DYNC1LI1: variants seen among roughly 807,000 people sequenced by gnomAD.
DYNC1LI1 encodes the protein cytoplasmic dynein 1 light intermediate chain 1.
DYNC1LI1 carries 19 observed loss-of-function variants against 63.8 expected under a neutral mutation model. That is an observed-to-expected ratio of 0.30 (90% confidence interval 0.21 to 0.44). DYNC1LI1 has a LOEUF of 0.44. Ranked by LOEUF, DYNC1LI1 falls within the 20% of genes least tolerant of loss-of-function variation. DYNC1LI1 has a pLI of 1.00. For missense variants in DYNC1LI1, 565 were observed against 630.2 expected, an observed-to-expected ratio of 0.90 and a Z score of 1.11; for synonymous variants, 225 against 232.3, an observed-to-expected ratio of 0.97 and a Z score of 0.28.
intron 5 of DYNC1LI1, among the ~76,000 whole-genome samples, chr3:32,538,053 ATATATATAATTTAT>A (rs1697822057): frequency 1.2e-5 from 1 of 81,530 alleles, no homozygotes; most frequent in Non-Finnish European, 2.3e-5. Flanking sequence ...ATATAATTAT[ATATATATAATTTAT>A]TATATATATA....
At chr3:32,559,049 TTAC>T (rs1259259889) in intron 2 of DYNC1LI1, among the ~76,000 whole-genome samples, 3 of 148,622 alleles carry the variant, frequency 2.0e-5, no homozygotes, top group Non-Finnish European at 4.5e-5. Flanking sequence ...TTATCATCCA[TTAC>T]TACTACTTTT....
intron 2 of DYNC1LI1, among the ~76,000 whole-genome samples, chr3:32,568,494 T>TC (rs1445065063): frequency 6.6e-6 from 1 of 152,234 alleles, no homozygotes; most frequent in Non-Finnish European, 1.5e-5. Flanking sequence ...AGATGCACTT[T>TC]ATGAACTATT....
At chr3:32,553,310 C>T (rs1359446469) in intron 2 of DYNC1LI1, among the ~76,000 whole-genome samples, 3 of 151,868 alleles carry the variant, frequency 2.0e-5, no homozygotes, top group African/African-American at 4.8e-5. Flanking sequence ...CACTCCAGCC[C>T]GGGAAGCAGA....
At chr3:32,555,893 G>A (rs1698108377) in intron 2 of DYNC1LI1, among the ~76,000 whole-genome samples, 1 of 152,226 alleles carries the variant, frequency 6.6e-6, no homozygotes, top group Non-Finnish European at 1.5e-5. Context: ...TGAGATATAT[G>A]CGTATTAACT....
chr3:32,570,169 T>A, intron 2 of DYNC1LI1, 177 bp downstream of exon 2: 1 of 710,926 alleles, frequency 1.4e-6, no homozygotes, highest in Non-Finnish European at 2.5e-6. Context: ...CCGCAGGTCC[T>A]GGGTCAAGGG....
chr3:32,554,018 A>AGGT (rs1698078579), intron 2 of DYNC1LI1, among the ~76,000 whole-genome samples: 1 of 152,210 alleles, frequency 6.6e-6, no homozygotes, highest in Admixed American at 6.5e-5. Context: ...CCTCTAATCT[A>AGGT]TGTAACAACA....
intron 8 of DYNC1LI1, chr3:32,530,790 C>A: frequency 2.7e-6 from 1 of 366,982 alleles, no homozygotes; most frequent in South Asian, 6.2e-5. Context: ...TGAAATGTGG[C>A]TAGTGTGACT....
chr3:32,538,476 A>G lies in DYNC1LI1; in HGVS notation c.739-1372T>C, dbSNP rs903607672. On this transcript the variant is annotated intron_variant, in intron 5 of 12. Transcript: ENST00000273130. The stretch of plus-strand genomic sequence containing the variant: ...AGCACTTTGGGAGGTCGAGGTGGGC[A>G]GATCACGAGGTCAGGAGATCGAGAC... Among the ~76,000 whole-genome samples the G allele has an allele frequency of 1.1e-4, 16 of 152,074 alleles. No individual in the cohort carries two copies. In the East Asian group the frequency reaches 3.1e-3, roughly 30 times the overall value.
chr3:32,541,084 T>C lies in DYNC1LI1; in HGVS notation c.691A>G (p.Thr231Ala), dbSNP rs1408594479. ...GGAATGCCCAAGTTATGTGTAAGTG[T>C]ATCCGCACCCAGAGGTAAAACTACA... is the stretch of plus-strand genomic sequence containing the variant. ...DSVVLPLGAD[T>A]LTHNLGIPVL... The change falls in exon 5 of 13, where the codon ACA becomes GCA. Residue 231 changes from threonine to alanine, a missense_variant. Coordinates refer to ENST00000273130, the MANE Select transcript of DYNC1LI1 (RefSeq NM_016141.4). 6.2e-7 allele frequency: 1 copy of C among 1,613,908 alleles called. No individual in the cohort carries two copies. Among genetic ancestry groups the C allele is most frequent in the South Asian group, 1.1e-5 (1 of 91,050 alleles).
Position 32,529,618 on chromosome 3 carries a change from T to C in DYNC1LI1, c.1228A>G (p.Asn410Asp), listed in dbSNP as rs772867764. ...GCAACATTAGATGATACAGATCTAT[T>C]TGGTGTTCGTGGGGAGCCTCCTGGG... ...RVPGGSPRTP[N>D]RSVSSNVASV... Residue 410 changes from asparagine to aspartate, a missense_variant, in exon 11 of 13, where the codon AAT (asparagine) becomes GAT (aspartate). Transcript: ENST00000273130. 2 of 1,610,094 alleles carry C rather than the reference T, an allele frequency of 1.2e-6. No individual in the cohort carries two copies. The highest frequency in any genetic ancestry group is 2.7e-5 in the African/African-American group (2 of 74,832).
At chr3:32,557,839 A>G (rs1182751214) in intron 2 of DYNC1LI1, among the ~76,000 whole-genome samples, 7 of 152,200 alleles carry the variant, frequency 4.6e-5, no homozygotes, top group Non-Finnish European at 4.4e-5. Context: ...TGGCAGCCAA[A>G]TAGTTAACGA....
At position 32,544,385 on chromosome 3, in the gene DYNC1LI1, G is replaced by A. The variant is rs186116320; in HGVS notation, c.568+491C>T. Reference sequence around the variant, plus strand: ...CACAGCTTTTTGGCAAGGAGAAAAGGCATCTCTACTAAACAGTTTACCATT... The same window carrying A: ...CACAGCTTTTTGGCAAGGAGAAAAGACATCTCTACTAAACAGTTTACCATT... On this transcript the variant is annotated intron_variant, in intron 4 of 12. Coordinates refer to ENST00000273130, the MANE Select transcript of DYNC1LI1 (RefSeq NM_016141.4). 1.5e-3 allele frequency among the ~76,000 whole-genome samples: 225 copies of A among 152,194 alleles called. 1 individual carries two copies. Among genetic ancestry groups the A allele is most frequent in the Admixed American group, 6.7e-3 (102 of 15,288 alleles).
chr3:32,538,516 C>T (rs1697832148), intron 5 of DYNC1LI1, among the ~76,000 whole-genome samples: 1 of 151,908 alleles, frequency 6.6e-6, no homozygotes, highest in Non-Finnish European at 1.5e-5. Context: ...CTGGCTAACA[C>T]GGTGAAACCC....
Position 32,570,826 on chromosome 3 carries a change from C to T in DYNC1LI1, c.-56G>A, listed in dbSNP as rs1419687141. The T allele has an allele frequency of 1.3e-6, 2 of 1,503,752 alleles. No individual in the cohort carries two copies. The highest frequency in any genetic ancestry group is 9.0e-7 in the Non-Finnish European group (1 of 1,116,676). The allele number at this position is 1,503,752 out of a possible 1,614,324, so 93.2% of individuals were successfully genotyped here. A position where few individuals can be genotyped will look rare whatever the true frequency, so the allele number is the denominator to read the frequency against. ...GACTAAATGTGCGAGGCGGCTGAGG[C>T]GGTGGCGGTGGAGGCGGCGGGAACC... is the stretch of plus-strand genomic sequence containing the variant. On this transcript the variant is annotated 5_prime_UTR_variant, in exon 1 of 13. Coordinates refer to ENST00000273130, the MANE Select transcript of DYNC1LI1 (RefSeq NM_016141.4).
intron 2 of DYNC1LI1, among the ~76,000 whole-genome samples, chr3:32,561,015 AAAAAAAAAAAAAAAAAAAC>A: frequency 9.1e-6 from 1 of 109,816 alleles, no homozygotes. Context: ...AAAAAAAAAA[AAAAAAAAAAAAAAAAAAAC>A]AAACAAAAAA....
chr3:32,570,261 AAG>A, intron 2 of DYNC1LI1, 83 bp downstream of exon 2: 4 of 1,126,744 alleles, frequency 3.6e-6, no homozygotes, highest in Non-Finnish European at 5.2e-6. Flanking sequence ...TGTCCGCACA[AAG>A]AGAGCCAGCG....
intron 3 of DYNC1LI1, chr3:32,545,562 A>G (rs1414377746): frequency 1.0e-5 from 4 of 391,112 alleles, no homozygotes; most frequent in Non-Finnish European, 1.4e-5. Flanking sequence ...GGGAGTCAAC[A>G]AAACAATCAC....
intron 5 of DYNC1LI1, 198 bp from the exon 6 acceptor site, chr3:32,537,302 A>C (rs1352320220): frequency 3.1e-6 from 1 of 326,266 alleles, no homozygotes; most frequent in Non-Finnish European, 5.5e-6. Context: ...TATCTTTTTA[A>C]AAAGCATTAA....
chr3:32,529,778 CT>C (rs1420835437), intron 10 of DYNC1LI1, 118 bp from the exon 11 acceptor site: 22 of 847,336 alleles, frequency 2.6e-5, no homozygotes, highest in Admixed American at 1.8e-4. Context: ...TACTTTTACA[CT>C]GCAAGCCATT....
Sources: gnomAD v4.1 joint callset for allele counts (sites outside exome capture counted in the v4.1 genomes callset) on GRCh38, gnomAD v4.1.1 for gene constraint, MANE v1.5 for transcripts, NCBI Gene and HGNC (gene_info 2026-07-23, HGNC 2026-07-21) for gene names.